The following ERBB4 variants were observed in gnomAD, a reference collection of about 807,000 sequenced individuals.
The protein encoded by ERBB4 is receptor tyrosine-protein kinase erbB-4.
ERBB4 carries 42 observed loss-of-function variants against 158.0 expected under a neutral mutation model. The ratio of observed to expected loss-of-function variants is 0.27; its 90% CI spans 0.21 to 0.34. The LOEUF (loss-of-function observed/expected upper bound fraction) is 0.34. Ranked by LOEUF, ERBB4 falls within the 10% of genes least tolerant of loss-of-function variation. The probability of loss-of-function intolerance (pLI) is 1.00; values close to 1 mark genes in which losing one functional copy is unlikely to be tolerated. For synonymous variants in ERBB4, 583 were observed against 558.7 expected, an observed-to-expected ratio of 1.04 and a Z score of -0.61; for missense variants, 1,333 against 1,624.1, an observed-to-expected ratio of 0.82 and a Z score of 3.08.
chr2:211,657,929 G>A (rs373561468), intron 15 of ERBB4, 101 bp from the exon 16 acceptor site: 4 of 1,609,356 alleles, frequency 2.5e-6, no homozygotes, highest in African/African-American at 2.7e-5. Context: ...GAAGAACATG[G>A]GAAGCAAGCA....
chr2:212,083,409 T>G (rs2078504603), intron 2 of ERBB4, among the ~76,000 whole-genome samples: 1 of 152,010 alleles, frequency 6.6e-6, no homozygotes, highest in Admixed American at 6.6e-5. Flanking sequence ...TCACCAAGGT[T>G]GATTTAGGTC....
At chr2:211,668,201 A>ATTATATGT (rs1451348496) in intron 14 of ERBB4, among the ~76,000 whole-genome samples, 3 of 152,220 alleles carry the variant, frequency 2.0e-5, no homozygotes, top group African/African-American at 7.2e-5. Context: ...TTATGGTAAC[A>ATTATATGT]CCATTGCATA....
rs540468020 is a variant in ERBB4 at position 211,678,715 on chromosome 2, C to T, written c.1622+337G>A. 4.3e-3 allele frequency among the ~76,000 whole-genome samples: 649 copies of T among 152,138 alleles called. 5 individuals are homozygous for T. Among genetic ancestry groups the T allele is most frequent in the African/African-American group, 0.015 (614 of 41,534 alleles). On this transcript the variant is annotated intron_variant, in intron 13 of 27. Transcript: ENST00000342788. ...GGTGCAGTGGCTCACGCCTGTAATCCCAGCACTTTGGGAGGCCAAGGCAGG... is the reference window on the plus strand; with the variant it reads ...GGTGCAGTGGCTCACGCCTGTAATCTCAGCACTTTGGGAGGCCAAGGCAGG...
In ERBB4 at chr2:212,345,742, T is replaced by C. The variant is rs143414354; in HGVS notation, c.82+192707A>G. On this transcript the variant is annotated intron_variant, in intron 1 of 27. Coordinates refer to ENST00000342788, the MANE Select transcript of ERBB4 (RefSeq NM_005235.3). ...AAAATGAAAACTTTATCAAAGTTGA[T>C]TTTAACTGGCTAATTTAAATCATTA... 5.2e-3 allele frequency among the ~76,000 whole-genome samples: 794 copies of C among 152,290 alleles called. 4 individuals are homozygous for C. Among genetic ancestry groups the C allele is most frequent in the Middle Eastern group, 0.02 (6 of 294 alleles).
At chr2:211,476,545 A>G (rs1259226917) in intron 20 of ERBB4, among the ~76,000 whole-genome samples, 1 of 148,598 alleles carries the variant, frequency 6.7e-6, no homozygotes, top group African/African-American at 2.6e-5. Flanking sequence ...TTTCTCTTTA[A>G]GAAATACTAT....
At chr2:211,772,657 T>C (rs996535255) in intron 4 of ERBB4, among the ~76,000 whole-genome samples, 1 of 149,830 alleles carries the variant, frequency 6.7e-6, no homozygotes, top group African/African-American at 2.5e-5. Context: ...TTTTTTCTTC[T>C]TTTTTTGAGA....
intron 1 of ERBB4, among the ~76,000 whole-genome samples, chr2:212,492,334 G>T (rs959643697): frequency 2.0e-5 from 3 of 151,100 alleles, no homozygotes; most frequent in African/African-American, 7.3e-5. Flanking sequence ...ACCAAAATTA[G>T]ATTAATTTTA....
At chr2:212,359,195 A>C (rs71422776) in intron 1 of ERBB4, among the ~76,000 whole-genome samples, 4,233 of 151,644 alleles carry the variant, frequency 0.028, 74 homozygotes, top group South Asian at 0.055. Context: ...ATTAAATACT[A>C]TTGTATATAT....
At chr2:212,486,579 T>C (rs1689994064) in intron 1 of ERBB4, among the ~76,000 whole-genome samples, 1 of 152,170 alleles carries the variant, frequency 6.6e-6, no homozygotes. Context: ...TACTGTAATG[T>C]ATTAATGATA....
intron 3 of ERBB4, among the ~76,000 whole-genome samples, chr2:211,837,364 C>T (rs2077364501): frequency 6.6e-6 from 1 of 152,086 alleles, no homozygotes; most frequent in Non-Finnish European, 1.5e-5. Context: ...GACTGAAAAA[C>T]TCCTCTCAAG....
At chr2:211,526,491 G>A (rs991733434) in intron 20 of ERBB4, among the ~76,000 whole-genome samples, 12 of 152,088 alleles carry the variant, frequency 7.9e-5, no homozygotes, top group African/African-American at 2.9e-4. Flanking sequence ...AATACCTGGA[G>A]AACCTTCCAA....
chr2:211,699,432 A>T lies in ERBB4; in HGVS notation c.1489+2535T>A, dbSNP rs1347761130. The stretch of plus-strand genomic sequence containing the variant: ...TTCCCATTTACAAAGAGTACTGGGG[A>T]TTGTAAACATCAGCAGCATCTCTGA... On this transcript the variant is annotated intron_variant, in intron 12 of 27. Coordinates refer to ENST00000342788, the MANE Select transcript of ERBB4 (RefSeq NM_005235.3). Among the ~76,000 whole-genome samples, 2 of 152,154 alleles carry T rather than the reference A, an allele frequency of 1.3e-5. 1 individual carries two copies. The highest frequency in any genetic ancestry group is 2.9e-5 in the Non-Finnish European group (2 of 68,008).
intron 1 of ERBB4, among the ~76,000 whole-genome samples, chr2:212,318,110 T>A (rs2087379422): frequency 6.6e-6 from 1 of 151,572 alleles, no homozygotes; most frequent in Non-Finnish European, 1.5e-5. Context: ...ATCCCTAGTT[T>A]ACAAATTCAG....
chr2:211,857,773 A>G (rs1323354269), intron 3 of ERBB4, among the ~76,000 whole-genome samples: 1 of 152,238 alleles, frequency 6.6e-6, no homozygotes, highest in Non-Finnish European at 1.5e-5. Context: ...TTAATGTTTT[A>G]CACATTACGA....
chr2:211,709,274 T>TATATACACATATATATATATAC (rs1553615210), intron 9 of ERBB4, among the ~76,000 whole-genome samples: 1 of 136,558 alleles, frequency 7.3e-6, no homozygotes, highest in African/African-American at 2.9e-5. Flanking sequence ...TATATATATA[T>TATATACACATATATATATATAC]ACATACATAT....
chr2:212,061,986 C>T (rs373558586), intron 2 of ERBB4, among the ~76,000 whole-genome samples: 89 of 152,142 alleles, frequency 5.8e-4, no homozygotes, highest in African/African-American at 2.0e-3. Flanking sequence ...CCACCTGCCT[C>T]GGCCTCCCAA....
chr2:212,151,997 T>C (rs542038077), intron 1 of ERBB4, among the ~76,000 whole-genome samples: 2 of 152,322 alleles, frequency 1.3e-5, no homozygotes, highest in South Asian at 4.1e-4. Flanking sequence ...GATCAGTTCA[T>C]TCAATTATAT....
Position 211,901,484 on chromosome 2 carries a change from A to G in ERBB4, c.421+45946T>C, listed in dbSNP as rs2079234451. On this transcript the variant is annotated intron_variant, in intron 3 of 27. Transcript: ENST00000342788. ...GAGATAACCTGAAGGAGCGCTCCAAATGTCCTTCTGCAAGCATTACCCACC... is the reference window on the plus strand; with the variant it reads ...GAGATAACCTGAAGGAGCGCTCCAAGTGTCCTTCTGCAAGCATTACCCACC... Among the ~76,000 whole-genome samples the G allele has an allele frequency of 2.0e-5, 3 of 152,036 alleles. No individual in the cohort carries two copies. In the South Asian group the frequency reaches 6.2e-4, roughly 31 times the overall value.
chr2:212,327,482 G>A (rs2087902978), intron 1 of ERBB4, among the ~76,000 whole-genome samples: 1 of 151,824 alleles, frequency 6.6e-6, no homozygotes, highest in Non-Finnish European at 1.5e-5. Context: ...AACAAGAAAA[G>A]AACCCAGACT....
Sources: allele counts gnomAD v4.1 joint callset (sites outside exome capture counted in the v4.1 genomes callset), GRCh38; gene constraint gnomAD v4.1.1; transcripts MANE v1.5; gene names NCBI Gene and HGNC (gene_info 2026-07-23, HGNC 2026-07-21).